Variants in LONRF3 observed in about 807,000 individuals in gnomAD.
LONRF3 encodes the protein LON peptidase N-terminal domain and ring finger 3, also known as LON peptidase N-terminal domain and RING finger protein 3.
In LONRF3, 19 loss-of-function variants were observed where a neutral mutation model predicts 51.7. The observed-to-expected ratio is 0.37, with a 90% confidence interval of 0.26 to 0.54. LONRF3 has a LOEUF of 0.54. Ranked by LOEUF, LONRF3 falls within the 20% of genes least tolerant of loss-of-function variation. The pLI, the probability that LONRF3 is intolerant of heterozygous loss-of-function variation, is 0.86. For synonymous variants in LONRF3, 265 were observed against 257.8 expected (o/e 1.03, Z -0.27); for missense variants, 521 against 623.9 (o/e 0.84, Z 1.76).
chrX:119,006,007 A>C, intron 5 of LONRF3, 114 bp from the exon 6 acceptor site: 3 of 435,284 alleles, frequency 6.9e-6, no homozygotes, highest in Non-Finnish European at 1.2e-5. Context: ...TTTAAAAAGA[A>C]CTCCTCCCCC....
chrX:118,994,178 C>T (rs778885903), intron 5 of LONRF3, among the ~76,000 whole-genome samples: 5 of 111,816 alleles, frequency 4.5e-5, no homozygotes, highest in African/African-American at 9.8e-5. Context: ...TGCTACGGTA[C>T]GGTACACCAC....
Position 119,018,206 on chromosome X carries a change from T to C in LONRF3, c.*516T>C, listed in dbSNP as rs1295233852. ...TACTGTATCCTTTTTTCTACATGTATGTTTGTAACTATTTAAGCGTACATT... is the reference window on the plus strand; with the variant it reads ...TACTGTATCCTTTTTTCTACATGTACGTTTGTAACTATTTAAGCGTACATT... On this transcript the variant is annotated 3_prime_UTR_variant, in exon 11 of 11. Transcript: ENST00000371628. The C allele has an allele frequency of 1.8e-5, 2 of 112,839 alleles. No individual in the cohort carries two copies. Among genetic ancestry groups the C allele is most frequent in the Admixed American group, 1.9e-4 (2 of 10,680 alleles). The allele number at this position is 112,839 out of a possible 1,213,427, so 9.3% of individuals were successfully genotyped here.
At chrX:119,004,150 A>T (rs1210741739) in intron 5 of LONRF3, among the ~76,000 whole-genome samples, 4 of 110,083 alleles carry the variant, frequency 3.6e-5, no homozygotes, top group African/African-American at 1.3e-4. Context: ...GTGCACTGAG[A>T]CCTCCATAGT....
intron 1 of LONRF3, chrX:118,977,010 A>AC (rs1365358863): frequency 9.0e-6 from 1 of 111,241 alleles, no homozygotes; most frequent in East Asian, 2.8e-4. Context: ...GGAGAAGGGG[A>AC]CCCTTCTAGC....
At chrX:119,012,154 T>C (rs1413007610) in intron 8 of LONRF3, among the ~76,000 whole-genome samples, 181 bp downstream of exon 8, 2 of 110,755 alleles carry the variant, frequency 1.8e-5, no homozygotes, top group Non-Finnish European at 3.8e-5. Flanking sequence ...AGGCTGTCTA[T>C]TTAAAGAACC....
chrX:118,991,674 G>A (rs1923439806), intron 5 of LONRF3, among the ~76,000 whole-genome samples: 1 of 111,918 alleles, frequency 8.9e-6, no homozygotes, highest in African/African-American at 3.3e-5. Context: ...TAGAGGAGAG[G>A]CTCCCTGCTC....
intron 9 of LONRF3, 129 bp downstream of exon 9, chrX:119,013,330 A>G: frequency 1.5e-6 from 1 of 666,275 alleles, no homozygotes; most frequent in African/African-American, 2.2e-5. Flanking sequence ...TGCTGCAGCA[A>G]CATTGAATGC....
At chrX:119,013,263 G>C in intron 9 of LONRF3, 62 bp downstream of exon 9, 11 of 1,092,922 alleles carry the variant, frequency 1.0e-5, no homozygotes, top group Non-Finnish European at 9.9e-6. Context: ...GATACACAAA[G>C]ATAGTTGTGA....
intron 5 of LONRF3, among the ~76,000 whole-genome samples, chrX:119,004,439 G>C (rs1287796562): frequency 8.9e-6 from 1 of 112,429 alleles, no homozygotes; most frequent in Admixed American, 9.4e-5. Flanking sequence ...TGCTCCACAC[G>C]TAACTGATAT....
intron 1 of LONRF3, chrX:118,976,710 G>C (rs1380683331): frequency 8.8e-6 from 1 of 113,297 alleles, no homozygotes; most frequent in Admixed American, 9.2e-5. Context: ...GACCCACCAC[G>C]CCTGGACCCA....
intron 6 of LONRF3, among the ~76,000 whole-genome samples, chrX:119,007,508 A>C (rs1324970495): frequency 8.9e-6 from 1 of 112,385 alleles, no homozygotes; most frequent in East Asian, 2.8e-4. Context: ...AGACCTGAGA[A>C]TCTATCTTGT....
chrX:119,001,027 A>G (rs1207244326), intron 5 of LONRF3, among the ~76,000 whole-genome samples: 1 of 111,834 alleles, frequency 8.9e-6, no homozygotes, highest in East Asian at 2.8e-4. Flanking sequence ...GCTGACATCA[A>G]ACTGAAAGCA....
rs1178343071 is a variant in LONRF3 at position 118,975,496 on chromosome X, G to T, written c.716G>T (p.Gly239Val). The T allele has an allele frequency of 8.3e-7, 1 of 1,203,903 alleles. No homozygotes were observed. Among genetic ancestry groups the T allele is most frequent in the African/African-American group, 1.7e-5 (1 of 57,447 alleles). ...LSGLLGKLFP[G>V]PARASQLRHE... ...GGCCTCCTCGGCAAGTTGTTTCCAG[G>T]CCCAGCGCGAGCGTCGCAACTCCGG... Residue 239 changes from glycine (G) to valine (V), a missense_variant, in exon 1 of 11, where the codon GGC (glycine) becomes GTC (valine). Gly to Val is a moderately radical substitution (Grantham distance 109). Transcript: ENST00000371628.
rs1008783644 is a variant in LONRF3, at chrX:118,990,518, C to T, written c.1373C>T (p.Ala458Val). 2.5e-6 allele frequency: 3 copies of T among 1,210,603 alleles called. No individual in the cohort carries two copies. Among genetic ancestry groups the T allele is most frequent in the Non-Finnish European group, 3.4e-6 (3 of 894,377 alleles). The change falls in exon 5 of 11, where the codon GCA becomes GTA. Residue 458 changes from alanine to valine, a missense_variant. Physicochemically the swap from Ala to Val is moderately conservative, Grantham distance 64 (BLOSUM62 0). This residue lies in a region of LONRF3 where 145 missense variants were observed against 247.2 expected (regional missense o/e 0.59). Transcript: ENST00000371628. Reference protein sequence around the residue: ...GDKPALSLPLASFDASDLECA... With the variant: ...GDKPALSLPLVSFDASDLECA... ...AAACCTGCTCTCAGTTTACCACTTG[C>T]ATCTTTCGACGCATCTGACCTTGAA...
In LONRF3 at chrX:119,009,143, A is replaced by C. The variant is rs757840561; in HGVS notation, c.1548A>C (p.Lys516Asn). 20 of 1,208,809 alleles carry C rather than the reference A, an allele frequency of 1.7e-5. No homozygotes were observed. In the East Asian group the frequency reaches 5.6e-4, roughly 34 times the overall value. Residue 516 changes from lysine to asparagine, a missense_variant, in exon 7 of 11, where the codon AAA becomes AAC. By Grantham distance (94) the Lys-to-Asn change is moderately conservative. This residue lies in a region of LONRF3 where 145 missense variants were observed against 247.2 expected (regional missense o/e 0.59). Transcript: ENST00000371628. ...CCATGTAGTGCTTGGCATCAAGAAAATACAGCAAAAATGTAATAATGGAGG... is the reference window on the plus strand; with the variant it reads ...CCATGTAGTGCTTGGCATCAAGAAACTACAGCAAAAATGTAATAATGGAGG... ...DGLSQCLASRKYSKNVIMEEL... is the reference protein window; with the variant it reads ...DGLSQCLASRNYSKNVIMEEL...
At chrX:119,001,441 T>C (rs1227936215) in intron 5 of LONRF3, among the ~76,000 whole-genome samples, 1 of 112,062 alleles carries the variant, frequency 8.9e-6, no homozygotes, top group Non-Finnish European at 1.9e-5. Context: ...CCTGTCTGGG[T>C]TTAAATTTTC....
intron 1 of LONRF3, among the ~76,000 whole-genome samples, chrX:118,976,181 G>C (rs1187244272): frequency 2.6e-5 from 3 of 113,250 alleles, no homozygotes; most frequent in Non-Finnish European, 5.6e-5. Flanking sequence ...CTCCCTGTGG[G>C]GTGGGTCCGG....
Position 118,989,615 on chromosome X carries a change from C to T in LONRF3, c.1267C>T (p.His423Tyr), listed in dbSNP as rs1352819565. The change falls in exon 4 of 11, where the codon CAT becomes TAT. Residue 423 changes from histidine to tyrosine, a missense_variant. Physicochemically the swap from His to Tyr is moderately conservative, Grantham distance 83 (BLOSUM62 2). Coordinates refer to ENST00000371628, the MANE Select transcript of LONRF3 (RefSeq NM_001031855.3). Reference sequence around the variant, plus strand: ...AAAATGCCAGGAAAAGAAAAGGAAACATTGCCAGATTGAATCCCAAGAAGA... The same window carrying T: ...AAAATGCCAGGAAAAGAAAAGGAAATATTGCCAGATTGAATCCCAAGAAGA... The part of the protein sequence containing the change: ...TGKCQEKKRK[H>Y]CQIESQEETG... 8.3e-7 allele frequency: 1 copy of T among 1,211,249 alleles called. No individual in the cohort carries two copies.
chrX:119,008,504 A>G (rs768472701), intron 6 of LONRF3, among the ~76,000 whole-genome samples: 2 of 111,782 alleles, frequency 1.8e-5, no homozygotes, highest in Non-Finnish European at 3.8e-5. Context: ...ATGACTTTTA[A>G]TCTCAGTGAT....
Sources: allele counts gnomAD v4.1 joint callset (sites outside exome capture counted in the v4.1 genomes callset), GRCh38; gene constraint gnomAD v4.1.1; regional missense constraint gnomAD v4.1.1; transcripts MANE v1.5; gene names NCBI Gene and HGNC (gene_info 2026-07-23, HGNC 2026-07-21).